The following XYLT1 variants were observed in gnomAD, a reference collection of about 807,000 sequenced individuals.
XYLT1 encodes xylosyltransferase 1, also known as beta-D-xylosyltransferase 1.
Under a neutral mutation model 91.3 loss-of-function variants are expected in XYLT1, and 36 were observed. The ratio of observed to expected loss-of-function variants is 0.39; its 90% CI spans 0.30 to 0.52. The LOEUF is 0.52. Ranked by LOEUF, XYLT1 falls within the 20% of genes least tolerant of loss-of-function variation. XYLT1 has a pLI of 0.68. For synonymous variants in XYLT1, 588 were observed against 532.0 expected, an observed-to-expected ratio of 1.11 and a Z score of -1.45; for missense variants, 1,242 against 1,284.5, an observed-to-expected ratio of 0.97 and a Z score of 0.51.
chr16:17,423,406 C>T (rs1370865996), intron 1 of XYLT1, among the ~76,000 whole-genome samples: 1 of 152,116 alleles, frequency 6.6e-6, no homozygotes, highest in Non-Finnish European at 1.5e-5. Flanking sequence ...TCATTCAGAA[C>T]CCATTAAGGC....
intron 7 of XYLT1, chr16:17,138,782 T>C (rs1322039443): frequency 4.8e-6 from 2 of 420,754 alleles, no homozygotes; most frequent in East Asian, 8.2e-5. Context: ...ATAACACAAC[T>C]ACCTGACTGT....
intron 3 of XYLT1, among the ~76,000 whole-genome samples, chr16:17,251,820 G>A (rs773840766): frequency 7.9e-5 from 12 of 152,180 alleles, no homozygotes; most frequent in Admixed American, 3.3e-4. Flanking sequence ...CTGCAACCAG[G>A]GCTTCTGGGG....
chr16:17,189,431 C>T (rs974926949), intron 5 of XYLT1, among the ~76,000 whole-genome samples: 2 of 152,186 alleles, frequency 1.3e-5, no homozygotes, highest in Non-Finnish European at 2.9e-5. Flanking sequence ...CAAGAGTCCT[C>T]CAGCACCACT....
At chr16:17,415,790 C>T (rs890147161) in intron 1 of XYLT1, among the ~76,000 whole-genome samples, 7 of 152,088 alleles carry the variant, frequency 4.6e-5, no homozygotes, top group Non-Finnish European at 7.4e-5. Context: ...AGCAGGAATA[C>T]GAGATTCCAT....
chr16:17,468,339 C>T (rs1428213721), intron 1 of XYLT1, among the ~76,000 whole-genome samples: 1 of 151,498 alleles, frequency 6.6e-6, no homozygotes. Context: ...GCATGGTAGA[C>T]AGCCACCAAG....
intron 2 of XYLT1, among the ~76,000 whole-genome samples, chr16:17,341,621 C>T (rs1205383310): frequency 6.6e-6 from 1 of 151,706 alleles, no homozygotes; most frequent in Non-Finnish European, 1.5e-5. Context: ...ACTTGTGCAC[C>T]GACATAATAC....
intron 1 of XYLT1, among the ~76,000 whole-genome samples, chr16:17,363,347 G>A (rs1453579105): frequency 6.6e-6 from 1 of 152,204 alleles, no homozygotes; most frequent in East Asian, 1.9e-4. Context: ...TAATACACAG[G>A]TGAGGTGGCT....
chr16:17,376,135 A>C lies in XYLT1; in HGVS notation c.364-18085T>G, dbSNP rs185725404. Among the ~76,000 whole-genome samples the C allele has an allele frequency of 1.3e-3, 198 of 152,386 alleles. 2 individuals carry two copies. Among genetic ancestry groups the C allele is most frequent in the Middle Eastern group, 6.8e-3 (2 of 294 alleles). The stretch of plus-strand genomic sequence containing the variant: ...CACTGTGCTTTCACGACCTGGTGGC[A>C]GTGGTTCTCAACCAGGGGGGTGGTT... On this transcript the variant is annotated intron_variant, in intron 1 of 11. Transcript: ENST00000261381.
intron 10 of XYLT1, among the ~76,000 whole-genome samples, chr16:17,125,738 G>A (rs1031756475): frequency 6.6e-6 from 1 of 152,080 alleles, no homozygotes; most frequent in African/African-American, 2.4e-5. Flanking sequence ...TAGCTGAGCT[G>A]TTTGTTTTTG....
intron 2 of XYLT1, among the ~76,000 whole-genome samples, chr16:17,321,743 T>C (rs1034753527): frequency 5.3e-5 from 8 of 152,118 alleles, no homozygotes; most frequent in African/African-American, 1.9e-4. Flanking sequence ...CCATAGACAT[T>C]GTGGTTCCAG....
intron 2 of XYLT1, among the ~76,000 whole-genome samples, chr16:17,294,871 G>A (rs1222622934): frequency 2.0e-5 from 3 of 152,106 alleles, no homozygotes; most frequent in Non-Finnish European, 4.4e-5. Context: ...GGTACTAGAT[G>A]ACAATTCCAT....
chr16:17,357,993 A>C lies in XYLT1; in HGVS notation c.402+19T>G. On this transcript the variant is annotated intron_variant, in intron 2 of 11. Transcript: ENST00000261381. ...ATACTAAGGCTGAGATAAGTGGCCA[A>C]GACAGGAAAGATACTTACCTGAGTC... 6.2e-7 allele frequency: 1 copy of C among 1,613,344 alleles called. No homozygotes were observed. Among genetic ancestry groups the C allele is most frequent in the African/African-American group, 1.3e-5 (1 of 75,042 alleles).
At chr16:17,149,828 G>A (rs1434837699) in intron 6 of XYLT1, among the ~76,000 whole-genome samples, 2 of 152,194 alleles carry the variant, frequency 1.3e-5, no homozygotes, top group Admixed American at 1.3e-4. Flanking sequence ...AGGGGAAATG[G>A]TGATCATAAT....
intron 3 of XYLT1, among the ~76,000 whole-genome samples, chr16:17,234,900 C>T (rs1228659132): frequency 1.3e-5 from 2 of 152,034 alleles, no homozygotes; most frequent in Non-Finnish European, 2.9e-5. Context: ...ATGAATACGA[C>T]CATAATGGTC....
chr16:17,268,989 T>C (rs1163966701), intron 2 of XYLT1, among the ~76,000 whole-genome samples: 2 of 152,034 alleles, frequency 1.3e-5, no homozygotes, highest in Non-Finnish European at 2.9e-5. Context: ...TACTTTCCTA[T>C]AGAGAGAGGA....
intron 1 of XYLT1, among the ~76,000 whole-genome samples, chr16:17,408,586 C>T (rs985960299): frequency 3.9e-5 from 6 of 152,156 alleles, no homozygotes; most frequent in African/African-American, 9.7e-5. Flanking sequence ...TGGCTTAGGC[C>T]GATAATCCCA....
chr16:17,342,444 G>A (rs772767830), intron 2 of XYLT1, among the ~76,000 whole-genome samples: 8 of 152,164 alleles, frequency 5.3e-5, no homozygotes, highest in Admixed American at 1.3e-4. Flanking sequence ...TTTCTCGGTT[G>A]GGCGTGGCGG....
At chr16:17,385,659 G>A (rs1161578218) in intron 1 of XYLT1, among the ~76,000 whole-genome samples, 2 of 151,830 alleles carry the variant, frequency 1.3e-5, no homozygotes, top group African/African-American at 2.4e-5. Context: ...TCATCTTGTA[G>A]TGAAATAGAT....
chr16:17,289,877 C>G (rs754739816), intron 2 of XYLT1, among the ~76,000 whole-genome samples: 5 of 152,218 alleles, frequency 3.3e-5, no homozygotes, highest in Non-Finnish European at 7.3e-5. Flanking sequence ...CTGGGGCAAC[C>G]TCTCTGTAAG....
Sources: gnomAD v4.1 joint callset for allele counts (sites outside exome capture counted in the v4.1 genomes callset) on GRCh38, gnomAD v4.1.1 for gene constraint, MANE v1.5 for transcripts, NCBI Gene and HGNC (gene_info 2026-07-23, HGNC 2026-07-21) for gene names.